Variants in TTLL5 observed in about 807,000 individuals in gnomAD.
The protein encoded by TTLL5 is tubulin polyglutamylase TTLL5.
In TTLL5, 132 loss-of-function variants were observed where a neutral mutation model predicts 168.4. That is an observed-to-expected ratio of 0.78 (90% CI 0.68 to 0.91). The LOEUF (loss-of-function observed/expected upper bound fraction) is 0.91. TTLL5 is among the 40% of genes least tolerant of loss of function. TTLL5 has a pLI of 0.00. For synonymous variants in TTLL5, 546 were observed against 558.6 expected (o/e 0.98, Z 0.32); for missense variants, 1,545 against 1,581.5 (o/e 0.98, Z 0.39).
intron 28 of TTLL5, among the ~76,000 whole-genome samples, chr14:75,849,024 G>C (rs190945058): frequency 6.6e-6 from 1 of 152,224 alleles, no homozygotes; most frequent in Non-Finnish European, 1.5e-5. Context: ...GTCAGGTCCA[G>C]CTGGCTGGAA....
At chr14:75,924,965 ACCC>A (rs1279345942) in intron 31 of TTLL5, among the ~76,000 whole-genome samples, 1 of 127,606 alleles carries the variant, frequency 7.8e-6, no homozygotes, top group African/African-American at 3.1e-5. Flanking sequence ...CGGAGGGCCG[ACCC>A]CCCCACCTCA....
At chr14:75,934,116 G>A (rs982790790) in intron 31 of TTLL5, among the ~76,000 whole-genome samples, 38 of 152,228 alleles carry the variant, frequency 2.5e-4, no homozygotes, top group African/African-American at 8.9e-4. Context: ...AGCCATGAGA[G>A]CCTGAGAAAG....
intron 26 of TTLL5, 108 bp downstream of exon 26, chr14:75,783,638 A>G (rs909840805): frequency 1.4e-6 from 2 of 1,417,400 alleles, no homozygotes; most frequent in South Asian, 2.8e-5. Context: ...TGAAATGGAA[A>G]TGGACACACA....
chr14:75,883,857 T>C (rs1353055644), intron 30 of TTLL5, among the ~76,000 whole-genome samples: 1 of 152,178 alleles, frequency 6.6e-6, no homozygotes, highest in Non-Finnish European at 1.5e-5. Context: ...GGCTGCAGTT[T>C]GTGGTTGAAT....
At chr14:75,764,543 T>C (rs1024642387) in intron 18 of TTLL5, 72 bp from the exon 19 acceptor site, 2 of 1,568,224 alleles carry the variant, frequency 1.3e-6, no homozygotes, top group South Asian at 2.3e-5. Flanking sequence ...TATGGAATTC[T>C]GGGAAGCTTA....
At chr14:75,946,384 T>G (rs2034773225) in intron 31 of TTLL5, among the ~76,000 whole-genome samples, 1 of 151,926 alleles carries the variant, frequency 6.6e-6, no homozygotes, top group Non-Finnish European at 1.5e-5. Flanking sequence ...ATAGAAAACT[T>G]CCAAAGTAGC....
chr14:75,806,906 AC>A (rs1778355620), intron 27 of TTLL5, among the ~76,000 whole-genome samples: 1 of 152,132 alleles, frequency 6.6e-6, no homozygotes, highest in Admixed American at 6.5e-5. Context: ...TAAATGAAGA[AC>A]CCTCTGCTGC....
intron 15 of TTLL5, among the ~76,000 whole-genome samples, chr14:75,743,832 T>C (rs190203802): frequency 6.6e-5 from 10 of 152,076 alleles, no homozygotes; most frequent in African/African-American, 1.4e-4. Context: ...CTGCCCACCT[T>C]GGCCTCCCAA....
chr14:75,722,806 A>G (rs1047380697), intron 12 of TTLL5, among the ~76,000 whole-genome samples: 7 of 152,126 alleles, frequency 4.6e-5, no homozygotes, highest in African/African-American at 1.2e-4. Context: ...ATGAGCTACC[A>G]TGTAAGCCCT....
rs1594826492 is a variant in TTLL5 at position 75,661,309 on chromosome 14, T to G, written c.-174T>G. The G allele has an allele frequency of 1.3e-5, 2 of 152,190 alleles. No homozygotes were observed. The highest frequency in any genetic ancestry group is 4.1e-4 in the South Asian group (2 of 4,832). 9.4% of individuals were successfully genotyped at this position (152,190 alleles called of 1,614,324 possible). On this transcript the variant is annotated 5_prime_UTR_variant, in exon 1 of 32. Coordinates refer to ENST00000298832, the MANE Select transcript of TTLL5 (RefSeq NM_015072.5). ...CAGCCGTCGGCGGCTGCCCTGAGCC[T>G]TCCTGGGGAAGGAGGAGGGAGGTAG...
At chr14:75,854,698 A>C (rs1172094078) in intron 28 of TTLL5, among the ~76,000 whole-genome samples, 1 of 152,184 alleles carries the variant, frequency 6.6e-6, no homozygotes, top group Non-Finnish European at 1.5e-5. Flanking sequence ...ATTTGATTTT[A>C]GTCATGTTAG....
chr14:75,723,562 C>A (rs1310648088), intron 12 of TTLL5, among the ~76,000 whole-genome samples: 1 of 152,114 alleles, frequency 6.6e-6, no homozygotes, highest in Non-Finnish European at 1.5e-5. Context: ...CTGTAAAAAT[C>A]TTTGTTCTAA....
intron 29 of TTLL5, among the ~76,000 whole-genome samples, chr14:75,877,444 G>A (rs1047702908): frequency 1.6e-4 from 25 of 152,166 alleles, no homozygotes; most frequent in Non-Finnish European, 5.9e-5. Flanking sequence ...GTGGGAGAAG[G>A]AGGGCCTTTC....
chr14:75,941,879 AAGCTATGAG>A (rs2034618144), intron 31 of TTLL5, among the ~76,000 whole-genome samples: 1 of 148,236 alleles, frequency 6.7e-6, no homozygotes, highest in African/African-American at 2.5e-5. Context: ...TGAACTGGAA[AAGCTATGAG>A]TCATAGGATT....
intron 26 of TTLL5, among the ~76,000 whole-genome samples, chr14:75,786,140 A>G (rs1326792008): frequency 6.6e-6 from 1 of 152,232 alleles, no homozygotes; most frequent in East Asian, 1.9e-4. Flanking sequence ...AGTCATAAAT[A>G]TGAATATATA....
Position 75,771,808 on chromosome 14 carries a change from G to A in TTLL5, c.2090G>A (p.Gly697Asp). Reference sequence around the variant, plus strand: ...ATTCGCCTGATGAAAGACAGTGGCGGTCAGACGTTCAGTGCCAGTTGGGCT... The same window carrying A: ...ATTCGCCTGATGAAAGACAGTGGCGATCAGACGTTCAGTGCCAGTTGGGCT... Reference protein sequence around the residue: ...VQIRLMKDSGGQTFSASWAAK... With the variant: ...VQIRLMKDSGDQTFSASWAAK... Residue 697 changes from glycine to aspartate, a missense_variant, in exon 21 of 32, where the codon GGT becomes GAT. By Grantham distance (94) the Gly-to-Asp change is moderately conservative (BLOSUM62 -1). Transcript: ENST00000298832. 6.2e-7 allele frequency: 1 copy of A among 1,614,080 alleles called. No individual in the cohort carries two copies. Among genetic ancestry groups the A allele is most frequent in the East Asian group, 2.2e-5 (1 of 44,858 alleles).
At position 75,796,397 on chromosome 14, in the gene TTLL5, T is replaced by C. The variant is rs542560852; in HGVS notation, c.3171+3297T>C. Among the ~76,000 whole-genome samples the C allele has an allele frequency of 7.0e-4, 106 of 152,348 alleles. 1 individual carries two copies. Among genetic ancestry groups the C allele is most frequent in the Middle Eastern group, 6.8e-3 (2 of 294 alleles). On this transcript the variant is annotated intron_variant, in intron 27 of 31. Coordinates refer to ENST00000298832, the MANE Select transcript of TTLL5 (RefSeq NM_015072.5). ...GGTTGTCTGTTTCCTTGCTGATTAT[T>C]TCTTTTGCCTGCAGAAGCTTTTTAG...
intron 12 of TTLL5, among the ~76,000 whole-genome samples, chr14:75,724,399 T>G: frequency 6.6e-6 from 1 of 152,216 alleles, no homozygotes; most frequent in East Asian, 1.9e-4. Flanking sequence ...AACCAAATTT[T>G]ATGTAGGATG....
intron 31 of TTLL5, among the ~76,000 whole-genome samples, chr14:75,925,406 A>C (rs1371791086): frequency 7.5e-5 from 1 of 13,370 alleles, no homozygotes; most frequent in African/African-American, 4.6e-4. Context: ...CGCTCCTCAC[A>C]TCCCAGACGG....
Sources: allele counts gnomAD v4.1 joint callset (sites outside exome capture counted in the v4.1 genomes callset), GRCh38; gene constraint gnomAD v4.1.1; transcripts MANE v1.5; gene names NCBI Gene and HGNC (gene_info 2026-07-23, HGNC 2026-07-21).